SLC2A9: variants seen among roughly 807,000 people sequenced by gnomAD.
The protein encoded by SLC2A9 is solute carrier family 2 member 9, also known as solute carrier family 2, facilitated glucose transporter member 9.
SLC2A9 carries 39 observed loss-of-function variants against 50.6 expected under a neutral mutation model. The observed-to-expected ratio is 0.77, with a 90% CI of 0.60 to 1.01. The LOEUF (loss-of-function observed/expected upper bound fraction) is 1.01, where lower values mean the gene tolerates loss of function less well. Among genes scored for constraint, SLC2A9 ranks in the 50% least tolerant of loss-of-function variants. SLC2A9 has a pLI of 0.00. For missense variants in SLC2A9, 686 were observed against 677.6 expected (o/e 1.01, Z -0.14); for synonymous variants, 324 against 276.9 (o/e 1.17, Z -1.69).
intron 10 of SLC2A9, among the ~76,000 whole-genome samples, chr4:9,838,856 G>A (rs6449045): frequency 6.6e-6 from 1 of 152,030 alleles, no homozygotes; most frequent in Non-Finnish European, 1.5e-5. Flanking sequence ...ATACACTCAA[G>A]ATGGATTAAA....
At chr4:9,989,040 A>G (rs907120629) in intron 3 of SLC2A9, among the ~76,000 whole-genome samples, 1 of 152,260 alleles carries the variant, frequency 6.6e-6, no homozygotes, top group African/African-American at 2.4e-5. Flanking sequence ...AGACCTTTCC[A>G]GTAAATCTTC....
chr4:9,883,003 T>C (rs892226081), intron 10 of SLC2A9, among the ~76,000 whole-genome samples: 3 of 152,196 alleles, frequency 2.0e-5, no homozygotes, highest in African/African-American at 2.4e-5. Flanking sequence ...TGAAAAATTA[T>C]CTGAATATAA....
chr4:10,018,947 C>T lies in SLC2A9; in HGVS notation c.249+28G>A, dbSNP rs373423155. The T allele has an allele frequency of 4.7e-4, 727 of 1,546,402 alleles. 7 individuals carry two copies. In the African/African-American group the frequency reaches 9.3e-3, roughly 20 times the overall value. Reference sequence around the variant, plus strand: ...GAAGGTTTCCGCAGGGCCGCAGCGCCCTCTGCCGGGCCTTGGCGCGCACTC... The same window carrying T: ...GAAGGTTTCCGCAGGGCCGCAGCGCTCTCTGCCGGGCCTTGGCGCGCACTC... On this transcript the variant is annotated intron_variant, in intron 2 of 11. Coordinates refer to ENST00000264784, the MANE Select transcript of SLC2A9 (RefSeq NM_020041.3).
chr4:10,019,026 G>A lies in SLC2A9; in HGVS notation c.198C>T (p.Gly66=). The part of the protein sequence containing the change: ...LLVASLAGAF[G]SSFLYGYNLS... ...GGTTGTAGCCGTAGAGGAAGGAGGA[G>A]CCGAAGGCGCCCGCGAGGGAGGCCA... The change falls in exon 2 of 12, where the codon GGC becomes GGT. Residue 66 remains glycine, a synonymous_variant. Coordinates refer to ENST00000264784, the MANE Select transcript of SLC2A9 (RefSeq NM_020041.3). 1.3e-6 allele frequency: 2 copies of A among 1,550,922 alleles called. No individual in the cohort carries two copies. Among genetic ancestry groups the A allele is most frequent in the Non-Finnish European group, 1.7e-6 (2 of 1,146,968 alleles).
chr4:9,780,933 G>T (rs1560274554), intron 3 of SLC2A9, among the ~76,000 whole-genome samples: 1 of 152,124 alleles, frequency 6.6e-6, no homozygotes, highest in Non-Finnish European at 1.5e-5. Flanking sequence ...CTATGGGGGT[G>T]GGGGGCTCTC....
intron 2 of SLC2A9, 126 bp downstream of exon 2, chr4:10,018,849 C>G: frequency 1.1e-6 from 1 of 886,662 alleles, no homozygotes; most frequent in Non-Finnish European, 1.8e-6. Flanking sequence ...GGGGGCTAAT[C>G]TCTGTCCCCG....
At chr4:9,813,697 T>C (rs1723174354) in intron 3 of SLC2A9, among the ~76,000 whole-genome samples, 1 of 152,088 alleles carries the variant, frequency 6.6e-6, no homozygotes, top group Non-Finnish European at 1.5e-5. Flanking sequence ...AATCCATCAA[T>C]AAAAGTGAAC....
intron 8 of SLC2A9, among the ~76,000 whole-genome samples, chr4:9,906,687 G>C (rs534096654): frequency 6.6e-6 from 1 of 152,226 alleles, no homozygotes; most frequent in Admixed American, 6.5e-5. Context: ...AGCTGGTATT[G>C]ATTTCTTCAC....
downstream of SLC2A9, among the ~76,000 whole-genome samples, chr4:9,821,928 A>G (rs140148860): frequency 3.1e-3 from 475 of 152,330 alleles, no homozygotes; most frequent in Non-Finnish European, 5.3e-3. Context: ...GGGACTATTC[A>G]GGTTATCTAT....
downstream of SLC2A9, among the ~76,000 whole-genome samples, chr4:9,776,189 T>TTC (rs1560268607): frequency 1.4e-5 from 2 of 140,102 alleles, no homozygotes; most frequent in South Asian, 2.2e-4. Context: ...CTTTCTTTCT[T>TTC]TTTTTTTTTT....
chr4:9,936,121 C>A (rs749429004), intron 6 of SLC2A9, among the ~76,000 whole-genome samples: 94 of 152,092 alleles, frequency 6.2e-4, no homozygotes, highest in Admixed American at 1.2e-3. Flanking sequence ...TTTGTGCCCC[C>A]CAGAAGTAAA....
At chr4:9,914,937 A>T (rs1327828535) in intron 7 of SLC2A9, among the ~76,000 whole-genome samples, 1 of 152,212 alleles carries the variant, frequency 6.6e-6, no homozygotes, top group Non-Finnish European at 1.5e-5. Flanking sequence ...TGCTTTTAAA[A>T]GCTTTTCTAA....
chr4:9,948,842 G>A (rs1749682355), intron 5 of SLC2A9, among the ~76,000 whole-genome samples: 1 of 152,138 alleles, frequency 6.6e-6, no homozygotes, highest in African/African-American at 2.4e-5. Flanking sequence ...CCATCTCAGG[G>A]TCTCTTTTCT....
chr4:10,017,701 C>A (rs1217483238), intron 2 of SLC2A9, among the ~76,000 whole-genome samples: 1 of 152,206 alleles, frequency 6.6e-6, no homozygotes, highest in Non-Finnish European at 1.5e-5. Context: ...CTGGAAGGCA[C>A]CCAGGGCTGT....
intron 3 of SLC2A9, among the ~76,000 whole-genome samples, chr4:9,811,792 T>A (rs1722931557): frequency 6.6e-6 from 1 of 152,078 alleles, no homozygotes; most frequent in Admixed American, 6.6e-5. Context: ...GAGGGAGAAG[T>A]TTTTTCCTCA....
chr4:9,862,080 A>G (rs1338471503), intron 10 of SLC2A9, among the ~76,000 whole-genome samples: 1 of 150,594 alleles, frequency 6.6e-6, no homozygotes, highest in Non-Finnish European at 1.5e-5. Context: ...GCATGTAAAA[A>G]GAAGTAGATG....
At chr4:9,993,633 C>G (rs898969069) in intron 3 of SLC2A9, among the ~76,000 whole-genome samples, 1 of 152,042 alleles carries the variant, frequency 6.6e-6, no homozygotes, top group Admixed American at 6.5e-5. Flanking sequence ...AGTGTTTGTA[C>G]ACCAAACATA....
intron 3 of SLC2A9, among the ~76,000 whole-genome samples, chr4:9,802,339 C>A (rs1435873971): frequency 6.6e-6 from 1 of 151,180 alleles, no homozygotes. Context: ...ACCTGTGGAT[C>A]CTGGCAACGT....
chr4:9,838,432 C>G (rs1365352830), intron 10 of SLC2A9, among the ~76,000 whole-genome samples: 2 of 152,100 alleles, frequency 1.3e-5, no homozygotes, highest in East Asian at 1.9e-4. Context: ...AAATTGCCCA[C>G]AGCAATTTAT....
Sources: allele counts gnomAD v4.1 joint callset (sites outside exome capture counted in the v4.1 genomes callset), GRCh38; gene constraint gnomAD v4.1.1; transcripts MANE v1.5; gene names NCBI Gene and HGNC (gene_info 2026-07-23, HGNC 2026-07-21).